NEGR1: variants seen among roughly 807,000 people sequenced by gnomAD.
NEGR1 encodes neuronal growth regulator 1.
In NEGR1, 10 loss-of-function variants were observed where a neutral mutation model predicts 40.9. That is an observed-to-expected ratio of 0.24 (90% CI 0.15 to 0.42). NEGR1 has a LOEUF of 0.42. Ranked by LOEUF, NEGR1 falls within the 10% of genes least tolerant of loss-of-function variation. The pLI is 1.00. For synonymous variants in NEGR1, 185 were observed against 166.8 expected, an observed-to-expected ratio of 1.11 and a Z score of -0.84; for missense variants, 352 against 438.9, an observed-to-expected ratio of 0.80 and a Z score of 1.77.
chr1:71,999,825 G>C (rs1189146307), intron 1 of NEGR1, among the ~76,000 whole-genome samples: 1 of 150,214 alleles, frequency 6.7e-6, no homozygotes, highest in Non-Finnish European at 1.5e-5. Context: ...CCAGCCTTAG[G>C]TTTAGTACTT....
chr1:71,627,816 G>T (rs1161445202), intron 4 of NEGR1, among the ~76,000 whole-genome samples: 2 of 152,036 alleles, frequency 1.3e-5, no homozygotes, highest in Non-Finnish European at 2.9e-5. Context: ...TGAAGAGAAA[G>T]TTTGTTTTAT....
intron 3 of NEGR1, among the ~76,000 whole-genome samples, chr1:71,754,638 C>T (rs6671557): frequency 1.3e-5 from 2 of 151,920 alleles, no homozygotes; most frequent in Admixed American, 6.6e-5. Flanking sequence ...TCCCCACCCC[C>T]ACCTGCATTC....
At chr1:71,623,293 C>A (rs533891973) in intron 4 of NEGR1, among the ~76,000 whole-genome samples, 1 of 151,976 alleles carries the variant, frequency 6.6e-6, no homozygotes, top group African/African-American at 2.4e-5. Flanking sequence ...TCCAACACTA[C>A]AGATATAGAT....
rs1000355208 is a variant in NEGR1 at position 71,396,710 on chromosome 1, G to C, written c.*10736C>G. 1 of 153,678 alleles carries C rather than the reference G, an allele frequency of 6.5e-6. No homozygotes were observed. 9.5% of individuals were successfully genotyped at this position (153,678 alleles called of 1,614,324 possible). A position where few individuals can be genotyped will look rare whatever the true frequency, so the allele number is the denominator to read the frequency against. ...CATGAGATCTGATGGTTTTATAAGC[G>C]GGAGTTTTCCTTCACAAGTTCTCTT... On this transcript the variant is annotated 3_prime_UTR_variant, in exon 7 of 7. Coordinates refer to ENST00000357731, the MANE Select transcript of NEGR1 (RefSeq NM_173808.3).
intron 1 of NEGR1, among the ~76,000 whole-genome samples, chr1:72,175,693 A>AC (rs1557563508): frequency 6.6e-6 from 1 of 152,042 alleles, no homozygotes; most frequent in Non-Finnish European, 1.5e-5. Flanking sequence ...TTAAAAAAAA[A>AC]ACACATGTGA....
chr1:71,529,967 G>A (rs965538449), intron 6 of NEGR1, among the ~76,000 whole-genome samples: 1 of 151,046 alleles, frequency 6.6e-6, no homozygotes, highest in African/African-American at 2.4e-5. Context: ...TAAAGCATAA[G>A]TTATGACTTC....
rs187793935 is a variant in NEGR1, at chr1:71,686,662, A to G, written c.667+11346T>C. 4.1e-3 allele frequency among the ~76,000 whole-genome samples: 629 copies of G among 152,310 alleles called. 7 individuals carry two copies. The highest frequency in any genetic ancestry group is 0.015 in the African/African-American group (605 of 41,576). On this transcript the variant is annotated intron_variant, in intron 4 of 6. Transcript: ENST00000357731. ...ACAATGTAGTCCAAGCAGTAGGCGC[A>G]GGAAGAAGATGAAAACAGTATTCGA...
intron 6 of NEGR1, among the ~76,000 whole-genome samples, chr1:71,535,029 A>G (rs1451790699): frequency 6.6e-6 from 1 of 151,692 alleles, no homozygotes; most frequent in Non-Finnish European, 1.5e-5. Context: ...CTTCAAAATA[A>G]TTAAAATTTA....
intron 2 of NEGR1, among the ~76,000 whole-genome samples, chr1:71,787,026 A>AAGAG (rs781762314): frequency 6.6e-6 from 1 of 152,104 alleles, no homozygotes; most frequent in Non-Finnish European, 1.5e-5. Context: ...TGATAACAGA[A>AAGAG]AGAGAGAGAG....
In NEGR1 at chr1:71,916,760, G is replaced by GACAAA. The variant is rs1297006052; in HGVS notation, c.409+18314_409+18318dup. Among the ~76,000 whole-genome samples, 109 of 152,030 alleles carry GACAAA rather than the reference G, an allele frequency of 7.2e-4. 1 individual carries two copies. Among genetic ancestry groups the GACAAA allele is most frequent in the Admixed American group, 4.1e-3 (62 of 15,244 alleles). On this transcript the variant is annotated intron_variant, in intron 2 of 6. Transcript: ENST00000357731. ...AGCAAGAGTGAAACTCTGTAAAAAA[G>GACAAA]ACAAAACAAAACAAAACAAAACAAA...
chr1:71,756,911 A>C (rs1290420963), intron 3 of NEGR1, among the ~76,000 whole-genome samples: 2 of 152,144 alleles, frequency 1.3e-5, no homozygotes, highest in South Asian at 2.1e-4. Flanking sequence ...TTGTTTAATA[A>C]ATTCCATAAT....
chr1:72,213,180 T>A (rs1033918542), intron 1 of NEGR1, among the ~76,000 whole-genome samples: 1 of 151,982 alleles, frequency 6.6e-6, no homozygotes, highest in Admixed American at 6.6e-5. Context: ...TTAATTTTCA[T>A]ATTGATATAG....
intron 1 of NEGR1, among the ~76,000 whole-genome samples, chr1:71,955,687 G>C (rs1333834006): frequency 6.6e-6 from 1 of 152,070 alleles, no homozygotes; most frequent in Non-Finnish European, 1.5e-5. Flanking sequence ...TTTCCCAAAA[G>C]AGTTTAACAT....
At chr1:71,917,113 G>C (rs1661606602) in intron 2 of NEGR1, among the ~76,000 whole-genome samples, 1 of 152,210 alleles carries the variant, frequency 6.6e-6, no homozygotes, top group Non-Finnish European at 1.5e-5. Flanking sequence ...TGGCACAGCA[G>C]CCTGTGCACT....
At chr1:71,535,880 ACC>A (rs1647493687) in intron 6 of NEGR1, among the ~76,000 whole-genome samples, 1 of 151,654 alleles carries the variant, frequency 6.6e-6, no homozygotes, top group Non-Finnish European at 1.5e-5. Context: ...AATCTCTCCA[ACC>A]CCTAGTGTCG....
At chr1:72,245,493 C>T (rs1005061111) in intron 1 of NEGR1, among the ~76,000 whole-genome samples, 5 of 152,006 alleles carry the variant, frequency 3.3e-5, no homozygotes, top group South Asian at 2.1e-4. Context: ...ATGCAGTACA[C>T]GTTAAGATAC....
chr1:72,055,067 T>G (rs1257359160), intron 1 of NEGR1, among the ~76,000 whole-genome samples: 2 of 151,180 alleles, frequency 1.3e-5, no homozygotes, highest in Non-Finnish European at 3.0e-5. Flanking sequence ...ACACATTCAA[T>G]AGGTGACGTA....
chr1:72,120,381 G>T (rs1028370592), intron 1 of NEGR1, among the ~76,000 whole-genome samples: 59 of 151,910 alleles, frequency 3.9e-4, no homozygotes, highest in African/African-American at 1.3e-3. Context: ...AGCTAAAAAA[G>T]AAAACTGCAA....
chr1:71,604,157 T>C (rs906660755), intron 5 of NEGR1, among the ~76,000 whole-genome samples: 1 of 152,150 alleles, frequency 6.6e-6, no homozygotes, highest in Non-Finnish European at 1.5e-5. Flanking sequence ...TAATTATATG[T>C]GCTATCTAGC....
Sources: allele counts gnomAD v4.1 joint callset (sites outside exome capture counted in the v4.1 genomes callset), GRCh38; gene constraint gnomAD v4.1.1; transcripts MANE v1.5; gene names NCBI Gene and HGNC (gene_info 2026-07-23, HGNC 2026-07-21).